Variants in TNRC6A observed in about 807,000 individuals in gnomAD.
The protein encoded by TNRC6A is trinucleotide repeat-containing gene 6A protein.
Under a neutral mutation model 221.2 loss-of-function variants are expected in TNRC6A, and 44 were observed. The observed-to-expected ratio is 0.20, with a 90% CI of 0.16 to 0.26. The LOEUF is 0.26. TNRC6A is among the 10% of genes least tolerant of loss of function. TNRC6A has a pLI of 1.00. For missense variants in TNRC6A, 2,199 were observed against 2,404.4 expected, an observed-to-expected ratio of 0.91 and a Z score of 1.79; for synonymous variants, 847 against 838.5, an observed-to-expected ratio of 1.01 and a Z score of -0.18.
At chr16:24,692,555 G>A (rs1207861577) in intron 2 of TNRC6A, among the ~76,000 whole-genome samples, 4 of 151,968 alleles carry the variant, frequency 2.6e-5, no homozygotes, top group Admixed American at 1.3e-4. Flanking sequence ...GGGCGACAGC[G>A]TGAACCTCCA....
intron 1 of TNRC6A, among the ~76,000 whole-genome samples, chr16:24,638,515 C>G (rs1418850518): frequency 6.6e-6 from 1 of 152,110 alleles, no homozygotes; most frequent in Non-Finnish European, 1.5e-5. Flanking sequence ...GAGTTCAAGA[C>G]CAGCCTGGCC....
chr16:24,783,978 C>G (rs1247849637), intron 5 of TNRC6A, among the ~76,000 whole-genome samples: 2 of 152,114 alleles, frequency 1.3e-5, no homozygotes, highest in African/African-American at 4.8e-5. Flanking sequence ...CTTTTCCCAT[C>G]CCCTGCAACA....
chr16:24,725,393 G>A (rs927837137), upstream of TNRC6A, among the ~76,000 whole-genome samples: 1 of 151,852 alleles, frequency 6.6e-6, no homozygotes, highest in Non-Finnish European at 1.5e-5. Context: ...GGCTAGTCTC[G>A]AACTCCTGAG....
At chr16:24,740,056 C>T (rs537948817) in intron 2 of TNRC6A, among the ~76,000 whole-genome samples, 34 of 152,316 alleles carry the variant, frequency 2.2e-4, no homozygotes, top group Middle Eastern at 3.4e-3. Context: ...AGACTTTCAT[C>T]TTGGCACCCT....
intron 2 of TNRC6A, among the ~76,000 whole-genome samples, chr16:24,731,683 G>GT (rs2056646626): frequency 6.6e-6 from 1 of 152,150 alleles, no homozygotes; most frequent in Admixed American, 6.5e-5. Flanking sequence ...GTTTTATCAG[G>GT]TAACTATATC....
At chr16:24,772,992 TGCCGAAGGTTATTTTTTTC>T (rs1394049600) in intron 4 of TNRC6A, among the ~76,000 whole-genome samples, 1 of 152,228 alleles carries the variant, frequency 6.6e-6, no homozygotes, top group Non-Finnish European at 1.5e-5. Flanking sequence ...ATATATTAAT[TGCCGAAGGTTATTTTTTTC>T]CATTTTCATT....
chr16:24,816,729 G>C, intron 19 of TNRC6A, 87 bp from the exon 20 acceptor site: 1 of 1,479,076 alleles, frequency 6.8e-7, no homozygotes, highest in Non-Finnish European at 9.1e-7. Flanking sequence ...AGTTGCATAG[G>C]ATTCAGGAAT....
At chr16:24,629,840 G>C (rs1486246616) in intron 1 of TNRC6A, among the ~76,000 whole-genome samples, 1 of 151,884 alleles carries the variant, frequency 6.6e-6, no homozygotes, top group Admixed American at 6.6e-5. Context: ...GTGTGCTGGT[G>C]CGTGCCTGTT....
intron 4 of TNRC6A, among the ~76,000 whole-genome samples, chr16:24,763,618 T>G (rs1244738328): frequency 6.6e-6 from 1 of 152,226 alleles, no homozygotes; most frequent in African/African-American, 2.4e-5. Context: ...AAACTCAGGT[T>G]TCATAAAGTG....
intron 2 of TNRC6A, among the ~76,000 whole-genome samples, chr16:24,707,366 A>G (rs908436326): frequency 5.9e-5 from 9 of 151,940 alleles, no homozygotes; most frequent in Non-Finnish European, 1.0e-4. Flanking sequence ...ACACACACAC[A>G]CACACACACA....
chr16:24,797,559 A>G lies in TNRC6A; in HGVS notation c.3631A>G (p.Ile1211Val), dbSNP rs1385655529. 2 of 1,611,046 alleles carry G rather than the reference A, an allele frequency of 1.2e-6. No individual in the cohort carries two copies. Among genetic ancestry groups the G allele is most frequent in the East Asian group, 4.5e-5 (2 of 44,768 alleles). The change falls in exon 10 of 25, where the codon ATC becomes GTC. Residue 1211 changes from isoleucine to valine, a missense_variant. By Grantham distance (29) the Ile-to-Val change is conservative (BLOSUM62 3). Transcript: ENST00000395799. ...INPFVKQFSN[I>V]SFSRDSPEEN... is the part of the protein sequence containing the mutation. ...TCCATTTGTTAAACAGTTTTCAAAC[A>G]TCAGTTTTTCGGTAAGTATGTTTTC...
At position 24,823,081 on chromosome 16, in the gene TNRC6A, C is replaced by A; in HGVS notation, c.5513+68C>A. 1 of 1,602,286 alleles carries A rather than the reference C, an allele frequency of 6.2e-7. No individual in the cohort carries two copies. Among genetic ancestry groups the A allele is most frequent in the Non-Finnish European group, 8.5e-7 (1 of 1,172,152 alleles). ...AGGAGTGTGAGAGCACAGCCTGACCCGGGGCAGTGCACAGGGTCCTGCGTG... is the reference window on the plus strand; with the variant it reads ...AGGAGTGTGAGAGCACAGCCTGACCAGGGGCAGTGCACAGGGTCCTGCGTG... On this transcript the variant is annotated intron_variant, in intron 24 of 24. Transcript: ENST00000395799. This position sits in a 1 kb window ranked among gnomAD's most constrained non-coding sequence, Gnocchi z 4.3.
chr16:24,687,404 C>A (rs868485440), intron 2 of TNRC6A, among the ~76,000 whole-genome samples: 1 of 152,150 alleles, frequency 6.6e-6, no homozygotes. Context: ...CACGTAAGGT[C>A]TTTTACAATT....
At chr16:24,788,084 G>A (rs1035056380) in intron 5 of TNRC6A, among the ~76,000 whole-genome samples, 3 of 152,200 alleles carry the variant, frequency 2.0e-5, no homozygotes, top group African/African-American at 7.2e-5. Context: ...TGAGAGTTAA[G>A]AATCTGGGGA....
chr16:24,693,174 G>T (rs2055789669), intron 2 of TNRC6A, among the ~76,000 whole-genome samples: 1 of 152,094 alleles, frequency 6.6e-6, no homozygotes, highest in Non-Finnish European at 1.5e-5. Flanking sequence ...CTCACGAGAA[G>T]AGGGTTGCAG....
chr16:24,807,572 T>C (rs1474613061), intron 17 of TNRC6A, among the ~76,000 whole-genome samples: 1 of 152,146 alleles, frequency 6.6e-6, no homozygotes, highest in African/African-American at 2.4e-5. Flanking sequence ...TATAAATGAT[T>C]ACTGATATAA....
Position 24,820,111 on chromosome 16 carries a change from C to A in TNRC6A, c.5081-28C>A, listed in dbSNP as rs1337366754. 1.9e-6 allele frequency: 3 copies of A among 1,583,270 alleles called. No individual in the cohort carries two copies. In the Admixed American group the frequency reaches 5.0e-5, roughly 26 times the overall value. On this transcript the variant is annotated intron_variant, in intron 21 of 24. Coordinates refer to ENST00000395799, the MANE Select transcript of TNRC6A (RefSeq NM_014494.4). ...CTCCTTTCTTAAACATTATTCCTCC[C>A]CTCTCCATTTTTTCCCCCTTTGAGT... is the stretch of plus-strand genomic sequence containing the variant.
chr16:24,797,672 A>G, intron 10 of TNRC6A, 102 bp downstream of exon 10: 4 of 1,077,340 alleles, frequency 3.7e-6, no homozygotes, highest in Non-Finnish European at 5.3e-6. Context: ...TCGAGTCCTT[A>G]GGAATGTACT....
chr16:24,725,797 C>T (rs546665656), upstream of TNRC6A, among the ~76,000 whole-genome samples: 12 of 151,854 alleles, frequency 7.9e-5, no homozygotes, highest in South Asian at 1.9e-3. Context: ...GTCAGGAGTT[C>T]GAGACCAGCC....
Sources: allele counts gnomAD v4.1 joint callset (sites outside exome capture counted in the v4.1 genomes callset), GRCh38; gene constraint gnomAD v4.1.1; non-coding constraint Gnocchi (gnomAD v3.1); transcripts MANE v1.5; gene names NCBI Gene and HGNC (gene_info 2026-07-23, HGNC 2026-07-21).